LUZP2: variants seen among roughly 807,000 people sequenced by gnomAD.
LUZP2 encodes leucine zipper protein 2.
Under a neutral mutation model 51.6 loss-of-function variants are expected in LUZP2, and 52 were observed. The observed-to-expected ratio is 1.01, with a 90% CI of 0.81 to 1.27. LUZP2 has a LOEUF of 1.27. LUZP2 is among the 50% of genes most tolerant of loss of function. The pLI is 0.00. For missense variants in LUZP2, 436 were observed against 395.4 expected, an observed-to-expected ratio of 1.10 and a Z score of -0.87; for synonymous variants, 154 against 137.3, an observed-to-expected ratio of 1.12 and a Z score of -0.85.
At chr11:24,719,998 C>G (rs1299983180) in intron 1 of LUZP2, among the ~76,000 whole-genome samples, 1 of 152,130 alleles carries the variant, frequency 6.6e-6, no homozygotes, top group Non-Finnish European at 1.5e-5. Context: ...CAGCTAAGCT[C>G]AGACTAACAC....
At chr11:25,005,823 GA>G (rs1431787196) in intron 9 of LUZP2, among the ~76,000 whole-genome samples, 2 of 152,080 alleles carry the variant, frequency 1.3e-5, no homozygotes, top group Non-Finnish European at 2.9e-5. Context: ...AGAAGACCAG[GA>G]AAAATCGGAT....
intron 1 of LUZP2, among the ~76,000 whole-genome samples, chr11:24,617,802 G>A (rs1304581643): frequency 1.1e-4 from 17 of 151,892 alleles, no homozygotes; most frequent in Admixed American, 3.3e-4. Context: ...CTCCAGCCTA[G>A]GTGACAGAGT....
intron 9 of LUZP2, among the ~76,000 whole-genome samples, chr11:25,037,091 CT>C (rs1346161909): frequency 1.3e-5 from 2 of 151,994 alleles, no homozygotes; most frequent in Admixed American, 1.3e-4. Context: ...TTGTCTACAT[CT>C]TTTTTTAGGC....
At chr11:24,941,185 T>A (rs1854736349) in intron 7 of LUZP2, among the ~76,000 whole-genome samples, 2 of 152,260 alleles carry the variant, frequency 1.3e-5, no homozygotes, top group East Asian at 3.9e-4. Context: ...GTTTTGGCTA[T>A]CAATGCTTTA....
At chr11:24,754,926 G>A (rs1304239078) in intron 4 of LUZP2, among the ~76,000 whole-genome samples, 1 of 152,048 alleles carries the variant, frequency 6.6e-6, no homozygotes, top group African/African-American at 2.4e-5. Context: ...TGGGTGGATC[G>A]CCTGAGGTCA....
chr11:25,065,110 C>T (rs1359405737), intron 10 of LUZP2, among the ~76,000 whole-genome samples: 1 of 151,780 alleles, frequency 6.6e-6, no homozygotes, highest in East Asian at 1.9e-4. Context: ...TATTTGATAC[C>T]AAAATATGCA....
intron 11 of LUZP2, among the ~76,000 whole-genome samples, chr11:25,077,992 C>G (rs1250496172): frequency 6.6e-6 from 1 of 152,108 alleles, no homozygotes; most frequent in East Asian, 1.9e-4. Flanking sequence ...TCCACCCTCC[C>G]TCTCACAGAC....
chr11:24,661,215 A>G (rs1856009656), intron 1 of LUZP2, among the ~76,000 whole-genome samples: 1 of 151,962 alleles, frequency 6.6e-6, no homozygotes, highest in Admixed American at 6.6e-5. Context: ...TTTTTACCTT[A>G]TTTCTTCAGA....
chr11:24,502,151 C>T (rs924911005), intron 1 of LUZP2, among the ~76,000 whole-genome samples: 1 of 149,768 alleles, frequency 6.7e-6, no homozygotes, highest in African/African-American at 2.5e-5. Context: ...CAAAGGTTAG[C>T]CTGTACAGTT....
chr11:24,622,215 G>T (rs1394348042), intron 1 of LUZP2, among the ~76,000 whole-genome samples: 1 of 149,292 alleles, frequency 6.7e-6, no homozygotes, highest in African/African-American at 2.5e-5. Context: ...TGCCATGTTG[G>T]TGTGCTGCAC....
At chr11:24,634,345 G>A (rs529402715) in intron 1 of LUZP2, among the ~76,000 whole-genome samples, 1 of 152,108 alleles carries the variant, frequency 6.6e-6, no homozygotes, top group Admixed American at 6.6e-5. Flanking sequence ...TTATGGTAGA[G>A]GTCCTAAACT....
intron 10 of LUZP2, among the ~76,000 whole-genome samples, chr11:25,071,992 A>G (rs769870590): frequency 8.5e-5 from 13 of 152,082 alleles, no homozygotes; most frequent in Non-Finnish European, 1.6e-4. Flanking sequence ...CACATACACT[A>G]AGCATATTGA....
intron 1 of LUZP2, among the ~76,000 whole-genome samples, chr11:24,698,160 C>T (rs1391180334): frequency 6.6e-6 from 1 of 152,170 alleles, no homozygotes; most frequent in Non-Finnish European, 1.5e-5. Flanking sequence ...TGCAACACTG[C>T]TGTCTCAGTG....
chr11:24,870,896 A>C (rs541360837), intron 5 of LUZP2, among the ~76,000 whole-genome samples: 1 of 152,186 alleles, frequency 6.6e-6, no homozygotes, highest in Non-Finnish European at 1.5e-5. Flanking sequence ...AAAAATGAGG[A>C]TATAAAATGT....
chr11:25,040,852 A>G (rs1446209), intron 9 of LUZP2, among the ~76,000 whole-genome samples: 1 of 152,004 alleles, frequency 6.6e-6, no homozygotes, highest in Non-Finnish European at 1.5e-5. Context: ...ATTCATCTGC[A>G]TGATCCTTAC....
intron 5 of LUZP2, among the ~76,000 whole-genome samples, chr11:24,871,149 A>AT (rs1251514876): frequency 2.0e-5 from 3 of 151,986 alleles, no homozygotes; most frequent in African/African-American, 4.8e-5. Context: ...CAGATTTACA[A>AT]TTTTTTTAGT....
chr11:24,538,538 A>C (rs898444486), intron 1 of LUZP2, among the ~76,000 whole-genome samples: 31 of 151,832 alleles, frequency 2.0e-4, no homozygotes, highest in African/African-American at 6.0e-4. Flanking sequence ...TTTGGTATGT[A>C]TATTTTATTT....
intron 1 of LUZP2, among the ~76,000 whole-genome samples, chr11:24,723,501 G>A (rs1165812108): frequency 1.3e-5 from 2 of 152,178 alleles, no homozygotes; most frequent in Non-Finnish European, 2.9e-5. Context: ...TTGCTGTACA[G>A]TTATTCACCA....
At chr11:24,859,799 C>T (rs940489168) in intron 5 of LUZP2, among the ~76,000 whole-genome samples, 3 of 152,226 alleles carry the variant, frequency 2.0e-5, no homozygotes, top group East Asian at 1.9e-4. Flanking sequence ...CACTATCCAG[C>T]AGGGGAAACT....
Sources: gnomAD v4.1 joint callset for allele counts (sites outside exome capture counted in the v4.1 genomes callset) on GRCh38, gnomAD v4.1.1 for gene constraint, MANE v1.5 for transcripts, NCBI Gene and HGNC (gene_info 2026-07-23, HGNC 2026-07-21) for gene names.